The following INTS7 variants were observed in gnomAD, a reference collection of about 807,000 sequenced individuals.
The protein encoded by INTS7 is chromosome 1 open reading frame 73.
A neutral mutation model predicts 109.2 loss-of-function variants in INTS7; 46 were observed. That is an observed-to-expected ratio of 0.42 (90% CI 0.33 to 0.54). The LOEUF (loss-of-function observed/expected upper bound fraction) is 0.54, where lower values mean the gene tolerates loss of function less well. INTS7 is among the 20% of genes least tolerant of loss of function. The probability of loss-of-function intolerance (pLI) is 0.07; values close to 1 mark genes in which losing one functional copy is unlikely to be tolerated. For missense variants in INTS7, 929 were observed against 1,132.4 expected (o/e 0.82, Z 2.58); for synonymous variants, 412 against 402.9 (o/e 1.02, Z -0.27).
intron 4 of INTS7, among the ~76,000 whole-genome samples, chr1:212,015,104 CG>C (rs534482836): frequency 0.046 from 6,556 of 142,558 alleles, 190 homozygotes; most frequent in African/African-American, 0.093. Flanking sequence ...GGCCCCCGCC[CG>C]GGCAGCCGCC....
intron 1 of INTS7, among the ~76,000 whole-genome samples, chr1:212,025,057 G>A (rs1334673019): frequency 2.0e-5 from 3 of 152,226 alleles, no homozygotes; most frequent in Non-Finnish European, 4.4e-5. Flanking sequence ...TATCAAACGT[G>A]TTCCCTGTGA....
At chr1:211,954,161 C>T (rs1414668993) in intron 16 of INTS7, among the ~76,000 whole-genome samples, 1 of 152,208 alleles carries the variant, frequency 6.6e-6, no homozygotes, top group Non-Finnish European at 1.5e-5. Context: ...TGATGGTGAG[C>T]ATTTTTTCAT....
intron 7 of INTS7, among the ~76,000 whole-genome samples, chr1:211,997,528 GAAAAAAAAAAAA>G (rs71137714): frequency 5.1e-5 from 3 of 58,958 alleles, no homozygotes; most frequent in African/African-American, 7.1e-5. Flanking sequence ...TCTCCAAACA[GAAAAAAAAAAAA>G]AAAAAAAAAA....
chr1:212,018,282 G>A (rs1028762370), intron 3 of INTS7, among the ~76,000 whole-genome samples: 1 of 150,980 alleles, frequency 6.6e-6, no homozygotes, highest in Non-Finnish European at 1.5e-5. Context: ...CCTTCTTTTT[G>A]GAAGCTTTCT....
Position 211,941,505 on chromosome 1 carries a change from C to A in INTS7, c.*319G>T. ...CCCAAGTAGCTGGGACTACAGGCGC[C>A]TGCCACCATGCTTGGCTAATTTTTT... is the stretch of plus-strand genomic sequence containing the variant. On this transcript the variant is annotated 3_prime_UTR_variant, in exon 20 of 20. Transcript: ENST00000366994. 1 of 252,584 alleles carries A rather than the reference C, an allele frequency of 4.0e-6. No individual in the cohort carries two copies. The highest frequency in any genetic ancestry group is 7.6e-6 in the Non-Finnish European group (1 of 131,588). The allele number at this position is 252,584 out of a possible 1,614,324, so 15.6% of individuals were successfully genotyped here. A position where few individuals can be genotyped will look rare whatever the true frequency, so the allele number is the denominator to read the frequency against.
intron 1 of INTS7, among the ~76,000 whole-genome samples, chr1:212,027,945 G>A (rs1667000491): frequency 6.6e-6 from 1 of 152,074 alleles, no homozygotes; most frequent in African/African-American, 2.4e-5. Flanking sequence ...TTGTGACTCA[G>A]CCTGCCGAGT....
chr1:211,962,041 A>C (rs894889945), intron 16 of INTS7, among the ~76,000 whole-genome samples: 2 of 152,160 alleles, frequency 1.3e-5, no homozygotes. Flanking sequence ...CTAACCTTTA[A>C]TGTAAATTGG....
At chr1:211,974,168 A>G (rs992452028) in intron 13 of INTS7, among the ~76,000 whole-genome samples, 2 of 151,626 alleles carry the variant, frequency 1.3e-5, no homozygotes, top group African/African-American at 4.8e-5. Flanking sequence ...CACATAAACT[A>G]GAAAATGAAA....
chr1:212,021,293 A>G, intron 1 of INTS7, 81 bp from the exon 2 acceptor site: 1 of 1,155,168 alleles, frequency 8.7e-7, no homozygotes, highest in Non-Finnish European at 1.2e-6. Flanking sequence ...AATATAATTT[A>G]CTAGATAGTA....
In INTS7 at chr1:211,940,607, A is replaced by G. The variant is rs1662587964; in HGVS notation, c.*1217T>C. The stretch of plus-strand genomic sequence containing the variant: ...TATATCTACCATACTGTGCTAAGAA[A>G]GTCTATTTTATCATGGTTTTCAACC... On this transcript the variant is annotated 3_prime_UTR_variant, in exon 20 of 20. Transcript: ENST00000366994. 1 of 152,190 alleles carries G rather than the reference A, an allele frequency of 6.6e-6. No homozygotes were observed. The highest frequency in any genetic ancestry group is 2.4e-5 in the African/African-American group (1 of 41,438). 9.4% of individuals were successfully genotyped at this position (152,190 alleles called of 1,614,324 possible).
chr1:211,982,672 T>C lies in INTS7; in HGVS notation c.1132+4A>G, dbSNP rs750169028. The C allele has an allele frequency of 1.2e-6, 2 of 1,600,258 alleles. No individual in the cohort carries two copies. Among genetic ancestry groups the C allele is most frequent in the African/African-American group, 2.7e-5 (2 of 74,298 alleles). On this transcript the variant is annotated splice_donor_region_variant and intron_variant, in intron 9 of 19. Coordinates refer to ENST00000366994, the MANE Select transcript of INTS7 (RefSeq NM_015434.4). The stretch of plus-strand genomic sequence containing the variant: ...TACGTAATATCAGTCCTGATCAAAC[T>C]TACCCTTTTCTTGACAAGAAACAGT...
At chr1:211,969,638 C>G (rs1664079895) in intron 13 of INTS7, among the ~76,000 whole-genome samples, 1 of 148,024 alleles carries the variant, frequency 6.8e-6, no homozygotes, top group African/African-American at 2.5e-5. Flanking sequence ...TCACTGCAGC[C>G]TCAACTTCCT....
chr1:211,967,175 C>T (rs116296098), intron 15 of INTS7, among the ~76,000 whole-genome samples: 1,689 of 152,114 alleles, frequency 0.011, 30 homozygotes, highest in African/African-American at 0.038. Flanking sequence ...TTAAAAGTGA[C>T]GACCAGGCTG....
intron 7 of INTS7, among the ~76,000 whole-genome samples, chr1:211,996,494 A>G (rs1665397707): frequency 6.6e-6 from 1 of 152,154 alleles, no homozygotes; most frequent in South Asian, 2.1e-4. Flanking sequence ...GTGATCCTAC[A>G]ATGGGCCACA....
chr1:211,978,219 C>T, intron 11 of INTS7, 53 bp downstream of exon 11: 2 of 1,593,690 alleles, frequency 1.3e-6, no homozygotes, highest in Non-Finnish European at 1.7e-6. Flanking sequence ...AAAAGTAATT[C>T]CCACTAGACC....
chr1:211,962,297 A>G (rs1249950429), intron 16 of INTS7, among the ~76,000 whole-genome samples: 1 of 151,642 alleles, frequency 6.6e-6, no homozygotes, highest in African/African-American at 2.4e-5. Context: ...AGGGTATTAC[A>G]TAATGGTAAA....
At chr1:211,966,387 G>T in intron 16 of INTS7, 43 bp downstream of exon 16, 1 of 1,087,572 alleles carries the variant, frequency 9.2e-7, no homozygotes, top group Non-Finnish European at 1.4e-6. Context: ...ACAATGTATA[G>T]AAAGTGTTCT....
intron 7 of INTS7, among the ~76,000 whole-genome samples, chr1:212,002,988 T>G (rs950689456): frequency 1.3e-5 from 2 of 151,818 alleles, no homozygotes; most frequent in Admixed American, 6.6e-5. Context: ...ATTATTGAAC[T>G]AAAACATATA....
Position 211,942,248 on chromosome 1 carries a change from A to C in INTS7, c.2602-137T>G, listed in dbSNP as rs566783594. 1.1e-6 allele frequency: 1 copy of C among 873,026 alleles called. No individual in the cohort carries two copies. Among genetic ancestry groups the C allele is most frequent in the South Asian group, 1.7e-5 (1 of 59,586 alleles). 54.1% of individuals were successfully genotyped at this position (873,026 alleles called of 1,614,324 possible). A position where few individuals can be genotyped will look rare whatever the true frequency, so the allele number is the denominator to read the frequency against. On this transcript the variant is annotated intron_variant, in intron 19 of 19. Transcript: ENST00000366994. The surrounding 1 kb of genome is among the most constrained non-coding windows in gnomAD (Gnocchi z 4.2). ...TAGGTACTGCTATCATCCTTGCTTC[A>C]CCGATGAGGAGTCTAAGGCAGACAG...
Sources: allele counts gnomAD v4.1 joint callset (sites outside exome capture counted in the v4.1 genomes callset), GRCh38; gene constraint gnomAD v4.1.1; non-coding constraint Gnocchi (gnomAD v3.1); transcripts MANE v1.5; gene names NCBI Gene and HGNC (gene_info 2026-07-23, HGNC 2026-07-21).